Variants in SPINK13 observed in about 807,000 individuals in gnomAD.
SPINK13 encodes the protein serine protease inhibitor Kazal-type 13.
A neutral mutation model predicts 11.0 loss-of-function variants in SPINK13; 11 were observed. The ratio of observed to expected loss-of-function variants is 1.00; its 90% CI spans 0.63 to 1.65. The LOEUF (loss-of-function observed/expected upper bound fraction) is 1.65. SPINK13 is among the 40% of genes most tolerant of loss of function. The pLI is 0.00. For synonymous variants in SPINK13, 31 were observed against 35.6 expected (o/e 0.87, Z 0.46); for missense variants, 113 against 117.7 (o/e 0.96, Z 0.19).
At chr5:148,279,767 C>T (rs937713523) in intron 3 of SPINK13, among the ~76,000 whole-genome samples, 3 of 152,126 alleles carry the variant, frequency 2.0e-5, no homozygotes, top group Admixed American at 6.6e-5. Context: ...CTTGGGATTG[C>T]CCTCCTTCAG....
At chr5:148,271,814 C>T (rs1378137420) in intron 2 of SPINK13, among the ~76,000 whole-genome samples, 1 of 151,392 alleles carries the variant, frequency 6.6e-6, no homozygotes, top group African/African-American at 2.4e-5. Flanking sequence ...TTAGTAGAGA[C>T]GAGGTTTCAC....
In SPINK13 at chr5:148,269,976, G is replaced by A. The variant is rs547763255; in HGVS notation, c.-33-64G>A. 5.1e-5 allele frequency: 61 copies of A among 1,186,522 alleles called. 1 individual carries two copies. The East Asian group carries it at 9.1e-4, about 18-fold the overall frequency. 73.5% of individuals were successfully genotyped at this position (1,186,522 alleles called of 1,614,324 possible). A position where few individuals can be genotyped will look rare whatever the true frequency, so the allele number is the denominator to read the frequency against. On this transcript the variant is annotated intron_variant, in intron 1 of 4. Coordinates refer to ENST00000398450, the MANE Select transcript of SPINK13 (RefSeq NM_001040129.3). Reference sequence around the variant, plus strand: ...GAATGGTATCACCTTAGGGTATTGTGTTCTCTCACATTGGAAAAGCTAGCT... The same window carrying A: ...GAATGGTATCACCTTAGGGTATTGTATTCTCTCACATTGGAAAAGCTAGCT...
rs1756327532 is a variant in SPINK13, at chr5:148,270,090, C to T, written c.18C>T (p.His6=). Residue 6 remains histidine (H), a synonymous_variant, in exon 2 of 5, where the codon CAC becomes CAT. Transcript: ENST00000398450. MAAFP[H]KIIFFLVCST... ...GAGATCAAATGGCTGCCTTTCCCCA[C>T]AAGATTATATTTTTCCTGGTATGCT... 1 of 1,614,034 alleles carries T rather than the reference C, an allele frequency of 6.2e-7. No individual in the cohort carries two copies.
chr5:148,270,496 A>T (rs963101285), intron 2 of SPINK13, among the ~76,000 whole-genome samples: 2 of 152,202 alleles, frequency 1.3e-5, no homozygotes, highest in Non-Finnish European at 2.9e-5. Context: ...GATAAATATG[A>T]TAATGAAAAA....
chr5:148,278,308 C>G (rs1292040840), intron 3 of SPINK13, among the ~76,000 whole-genome samples: 2 of 152,122 alleles, frequency 1.3e-5, no homozygotes, highest in African/African-American at 4.8e-5. Flanking sequence ...TTGCCTTCTG[C>G]CAGCTTTTGA....
chr5:148,270,237 T>C (rs569932396), intron 2 of SPINK13, 95 bp downstream of exon 2: 45 of 1,366,706 alleles, frequency 3.3e-5, no homozygotes, highest in Non-Finnish European at 4.1e-5. Context: ...GGGAAATATT[T>C]TGCTGAAATG....
intron 4 of SPINK13, 145 bp downstream of exon 4, chr5:148,282,376 T>A: frequency 1.0e-6 from 1 of 975,696 alleles, no homozygotes; most frequent in Non-Finnish European, 1.5e-6. Flanking sequence ...GGGGACAGAC[T>A]ACAGAGAGAG....
At chr5:148,283,073 C>T (rs922264149) in intron 4 of SPINK13, among the ~76,000 whole-genome samples, 6 of 152,126 alleles carry the variant, frequency 3.9e-5, no homozygotes, top group African/African-American at 1.4e-4. Flanking sequence ...AGAGCAGGCA[C>T]AAGTTTCCAG....
chr5:148,272,587 T>G (rs1365905994), intron 2 of SPINK13, among the ~76,000 whole-genome samples: 1 of 152,214 alleles, frequency 6.6e-6, no homozygotes, highest in Non-Finnish European at 1.5e-5. Flanking sequence ...CTCTATCCTT[T>G]TCACTGATCT....
chr5:148,282,295 C>G (rs889455804), intron 4 of SPINK13, 64 bp downstream of exon 4: 3 of 1,591,628 alleles, frequency 1.9e-6, no homozygotes, highest in Non-Finnish European at 2.6e-6. Context: ...TTCAAAGAAA[C>G]ATAGTCAAGG....
intron 4 of SPINK13, among the ~76,000 whole-genome samples, chr5:148,285,652 G>A (rs1014157128): frequency 1.8e-4 from 28 of 152,076 alleles, no homozygotes; most frequent in Non-Finnish European, 1.2e-4. Context: ...AGCAAATTGC[G>A]TGAATTATGC....
intron 1 of SPINK13, among the ~76,000 whole-genome samples, chr5:148,269,753 T>C (rs1375930624): frequency 6.6e-6 from 1 of 152,204 alleles, no homozygotes; most frequent in African/African-American, 2.4e-5. Flanking sequence ...GTATAGGTAA[T>C]AGACTTTGAG....
At chr5:148,283,182 A>G (rs1046356677) in intron 4 of SPINK13, among the ~76,000 whole-genome samples, 2 of 152,052 alleles carry the variant, frequency 1.3e-5, no homozygotes, top group African/African-American at 2.4e-5. Flanking sequence ...CTCACCCAAG[A>G]CTTGGTGTTC....
At chr5:148,277,851 C>T (rs555053010) in intron 3 of SPINK13, among the ~76,000 whole-genome samples, 1 of 152,258 alleles carries the variant, frequency 6.6e-6, no homozygotes, top group African/African-American at 2.4e-5. Context: ...AGGAATGGTA[C>T]CAGCTCCTCT....
intron 3 of SPINK13, among the ~76,000 whole-genome samples, chr5:148,274,961 C>T (rs1756403485): frequency 6.6e-6 from 1 of 152,122 alleles, no homozygotes; most frequent in Non-Finnish European, 1.5e-5. Flanking sequence ...TGTTCAAAGT[C>T]ACAAAGCTAA....
intron 4 of SPINK13, 127 bp from the exon 5 acceptor site, chr5:148,285,873 G>A: frequency 4.1e-6 from 2 of 488,832 alleles, no homozygotes; most frequent in South Asian, 2.7e-5. Flanking sequence ...AAAAAAAGAA[G>A]GATGTAAAGG....
At chr5:148,285,580 A>G (rs1283263505) in intron 4 of SPINK13, among the ~76,000 whole-genome samples, 1 of 152,178 alleles carries the variant, frequency 6.6e-6, no homozygotes. Context: ...ATAAATACCC[A>G]AGTAAGGGGA....
intron 2 of SPINK13, among the ~76,000 whole-genome samples, chr5:148,272,530 C>T (rs1348534838): frequency 3.9e-5 from 6 of 152,054 alleles, no homozygotes; most frequent in Non-Finnish European, 7.4e-5. Context: ...AGAACTTGTC[C>T]ATAGAAGTGT....
At chr5:148,270,201 G>T in intron 2 of SPINK13, 59 bp downstream of exon 2, 1 of 1,552,826 alleles carries the variant, frequency 6.4e-7, no homozygotes, top group South Asian at 1.1e-5. Flanking sequence ...TTATAGGAAA[G>T]AAAACGAGTA....
Sources: gnomAD v4.1 joint callset for allele counts (sites outside exome capture counted in the v4.1 genomes callset) on GRCh38, gnomAD v4.1.1 for gene constraint, MANE v1.5 for transcripts, NCBI Gene and HGNC (gene_info 2026-07-23, HGNC 2026-07-21) for gene names.